Variants in NTNG1 observed in about 807,000 individuals in gnomAD.
The protein encoded by NTNG1 is netrin G1, also known as netrin-G1.
Under a neutral mutation model 54.0 loss-of-function variants are expected in NTNG1, and 16 were observed. The observed-to-expected ratio is 0.30, with a 90% CI of 0.20 to 0.45. The LOEUF (loss-of-function observed/expected upper bound fraction) is 0.45. NTNG1 is among the 20% of genes least tolerant of loss of function. The pLI, the probability that NTNG1 is intolerant of heterozygous loss-of-function variation, is 1.00. For missense variants in NTNG1, 530 were observed against 678.7 expected (o/e 0.78, Z 2.43); for synonymous variants, 255 against 263.1 (o/e 0.97, Z 0.30).
At chr1:107,250,216 CA>C (rs1662497942) in intron 2 of NTNG1, among the ~76,000 whole-genome samples, 1 of 152,078 alleles carries the variant, frequency 6.6e-6, no homozygotes, top group Non-Finnish European at 1.5e-5. Context: ...GATGGCTTCA[CA>C]AAGAATGTAG....
intron 2 of NTNG1, among the ~76,000 whole-genome samples, chr1:107,302,972 G>A (rs1012338947): frequency 2.0e-5 from 3 of 152,110 alleles, no homozygotes; most frequent in Admixed American, 6.6e-5. Context: ...CACTCAATAC[G>A]TAGTGTAAAT....
At position 107,162,612 on chromosome 1, in the gene NTNG1, G is replaced by A. The variant is rs200870317; in HGVS notation, c.246+13773G>A. Among the ~76,000 whole-genome samples, 15 of 152,144 alleles carry A rather than the reference G, an allele frequency of 9.9e-5. No homozygotes were observed. In the East Asian group the frequency reaches 2.9e-3, roughly 29 times the overall value. ...TGAAATTTGGATAAATAAACATTGA[G>A]CTAAATTATGAGCAAATTTCTTTGA... is the stretch of plus-strand genomic sequence containing the variant. On this transcript the variant is annotated intron_variant, in intron 2 of 7. Coordinates refer to ENST00000370068, the MANE Select transcript of NTNG1 (RefSeq NM_001113226.3).
chr1:107,315,023 T>G (rs556329492), intron 2 of NTNG1, among the ~76,000 whole-genome samples: 141 of 152,272 alleles, frequency 9.3e-4, no homozygotes, highest in African/African-American at 3.3e-3. Context: ...AAATTTAACA[T>G]TTCCAGTCTT....
chr1:107,296,558 A>G (rs1421384145), intron 2 of NTNG1, among the ~76,000 whole-genome samples: 2 of 149,528 alleles, frequency 1.3e-5, no homozygotes, highest in Non-Finnish European at 3.0e-5. Context: ...TACATATAAT[A>G]TAAATATATA....
At chr1:107,361,370 T>TACAC (rs1553232688) in intron 3 of NTNG1, among the ~76,000 whole-genome samples, 7 of 54,792 alleles carry the variant, frequency 1.3e-4, no homozygotes, top group Admixed American at 8.6e-4. Flanking sequence ...CATATATATA[T>TACAC]ATACATATAT....
intron 3 of NTNG1, among the ~76,000 whole-genome samples, chr1:107,365,157 G>A (rs1670520737): frequency 6.6e-6 from 1 of 152,148 alleles, no homozygotes; most frequent in African/African-American, 2.4e-5. Flanking sequence ...ATTACAAAGT[G>A]TTGACTTAAA....
intron 2 of NTNG1, among the ~76,000 whole-genome samples, chr1:107,301,724 A>G (rs1463726925): frequency 1.3e-5 from 2 of 152,132 alleles, no homozygotes; most frequent in Admixed American, 1.3e-4. Flanking sequence ...TCCAAATTCT[A>G]TTCTACGCAA....
intron 5 of NTNG1, chr1:107,408,303 T>C (rs1673577161): frequency 6.2e-6 from 1 of 161,360 alleles, no homozygotes; most frequent in Non-Finnish European, 1.4e-5. Context: ...CTTCCTAAAA[T>C]ACGATGATCT....
At chr1:107,458,410 C>T (rs1271992726) in intron 7 of NTNG1, among the ~76,000 whole-genome samples, 1 of 152,076 alleles carries the variant, frequency 6.6e-6, no homozygotes, top group Non-Finnish European at 1.5e-5. Flanking sequence ...CATAAATAAA[C>T]TGAGAGGCAA....
At chr1:107,212,588 G>T (rs1659670190) in intron 2 of NTNG1, among the ~76,000 whole-genome samples, 1 of 152,090 alleles carries the variant, frequency 6.6e-6, no homozygotes, top group Admixed American at 6.6e-5. Context: ...AAAGTTTATA[G>T]ACACTTCTTG....
chr1:107,459,430 T>C (rs1436808917), intron 7 of NTNG1, among the ~76,000 whole-genome samples: 1 of 152,008 alleles, frequency 6.6e-6, no homozygotes, highest in Non-Finnish European at 1.5e-5. Flanking sequence ...GGAGAGTCTT[T>C]GAAAATACCC....
At chr1:107,379,309 C>T (rs538794563) in intron 3 of NTNG1, among the ~76,000 whole-genome samples, 3 of 152,236 alleles carry the variant, frequency 2.0e-5, no homozygotes, top group East Asian at 1.9e-4. Context: ...GTCATCTCTA[C>T]GGAATTGTAA....
chr1:107,356,953 G>A (rs6670698), intron 3 of NTNG1, among the ~76,000 whole-genome samples: 148,803 of 152,228 alleles, frequency 0.98, 72,817 homozygotes, highest in Middle Eastern at 1. Flanking sequence ...CAGCAAGTGG[G>A]GATCATGCCA....
rs970129904 is a variant in NTNG1, at chr1:107,480,803, C to T, written c.1583C>T (p.Thr528Ile). ...PHGSPALLLL[T>I]TLLGTASPLV... ...GGCTCCCCAGCGCTGCTGCTGCTGA[C>T]CACGCTGCTGGGAACCGCCAGCCCC... Residue 528 changes from threonine to isoleucine, a missense_variant, in exon 8 of 8, where the codon ACC (threonine) becomes ATC (isoleucine). Thr to Ile is a moderately conservative substitution (Grantham distance 89, BLOSUM62 -1). Around this residue, in one of 2 missense-constraint regions of NTNG1, gnomAD observed 212 missense variants for 213.6 expected, o/e 0.99. Transcript: ENST00000370068. 4 of 1,583,826 alleles carry T rather than the reference C, an allele frequency of 2.5e-6. No homozygotes were observed. Among genetic ancestry groups the T allele is most frequent in the African/African-American group, 2.7e-5 (2 of 74,462 alleles).
intron 2 of NTNG1, among the ~76,000 whole-genome samples, chr1:107,171,862 A>T (rs1656266657): frequency 6.6e-6 from 1 of 152,046 alleles, no homozygotes; most frequent in Admixed American, 6.6e-5. Flanking sequence ...ATTGAAACAT[A>T]GGATACTTTT....
intron 2 of NTNG1, among the ~76,000 whole-genome samples, chr1:107,241,994 C>T (rs200863605): frequency 3.3e-5 from 5 of 152,094 alleles, no homozygotes; most frequent in East Asian, 1.9e-4. Flanking sequence ...ATCTTTAGGC[C>T]GGGCATGGTG....
At chr1:107,220,923 T>C (rs2101463802) in intron 2 of NTNG1, among the ~76,000 whole-genome samples, 1 of 152,268 alleles carries the variant, frequency 6.6e-6, no homozygotes, top group Non-Finnish European at 1.5e-5. Flanking sequence ...TGTGTTTCAT[T>C]CCAATCATTT....
chr1:107,430,771 C>T lies in NTNG1; in HGVS notation c.1109C>T (p.Ser370Phe). The T allele has an allele frequency of 6.2e-7, 1 of 1,613,284 alleles. No individual in the cohort carries two copies. Among genetic ancestry groups the T allele is most frequent in the Non-Finnish European group, 8.5e-7 (1 of 1,179,600 alleles). The stretch of plus-strand genomic sequence containing the variant: ...CAAGATTGTGAATGCTTCGGCCACT[C>T]CAATCGATGCAGTTATATCGATCTG... Reference protein sequence around the residue: ...SIGNCECFGHSNRCSYIDLLN... With the variant: ...SIGNCECFGHFNRCSYIDLLN... The change falls in exon 6 of 8, where the codon TCC becomes TTC. Residue 370 changes from serine to phenylalanine, a missense_variant. Physicochemically the swap from Ser to Phe is radical, Grantham distance 155. Coordinates refer to ENST00000370068, the MANE Select transcript of NTNG1 (RefSeq NM_001113226.3).
At chr1:107,364,644 A>G (rs996788966) in intron 3 of NTNG1, among the ~76,000 whole-genome samples, 9 of 152,222 alleles carry the variant, frequency 5.9e-5, no homozygotes, top group African/African-American at 2.2e-4. Context: ...TTGGTTTCAC[A>G]CATAAGAAAG....
Sources: allele counts gnomAD v4.1 joint callset (sites outside exome capture counted in the v4.1 genomes callset), GRCh38; gene constraint gnomAD v4.1.1; regional missense constraint gnomAD v4.1.1; transcripts MANE v1.5; gene names NCBI Gene and HGNC (gene_info 2026-07-23, HGNC 2026-07-21).